Variants in TENT2 observed in about 807,000 individuals in gnomAD.
TENT2 encodes the protein terminal nucleotidyltransferase 2.
Under a neutral mutation model 72.2 loss-of-function variants are expected in TENT2, and 44 were observed. The ratio of observed to expected loss-of-function variants is 0.61; its 90% CI spans 0.48 to 0.78. The LOEUF is 0.78. TENT2 is among the 30% of genes least tolerant of loss of function. TENT2 has a pLI of 0.00. For missense variants in TENT2, 541 were observed against 569.6 expected, an observed-to-expected ratio of 0.95 and a Z score of 0.51; for synonymous variants, 212 against 192.5, an observed-to-expected ratio of 1.10 and a Z score of -0.84.
At chr5:79,625,470 A>G (rs1414317464) in intron 4 of TENT2, among the ~76,000 whole-genome samples, 1 of 152,140 alleles carries the variant, frequency 6.6e-6, no homozygotes, top group East Asian at 1.9e-4. Flanking sequence ...CTAAGAAACC[A>G]TTGTTAAAGG....
rs113073592 is a variant in TENT2, at chr5:79,687,295, T to C, written c.*2022T>C. Among the ~76,000 whole-genome samples, 616 of 152,320 alleles carry C rather than the reference T, an allele frequency of 4.0e-3. 5 individuals are homozygous for C. Among genetic ancestry groups the C allele is most frequent in the African/African-American group, 0.014 (580 of 41,556 alleles). On this transcript the variant is annotated 3_prime_UTR_variant, in exon 15 of 15. Transcript: ENST00000453514. The stretch of plus-strand genomic sequence containing the variant: ...GAGAATTTTCTGGACTTTTAAGTTA[T>C]TAATCTCAATTATTTGTGTGGTGAG...
intron 12 of TENT2, among the ~76,000 whole-genome samples, chr5:79,670,420 G>T (rs1029965485): frequency 6.6e-6 from 1 of 151,484 alleles, no homozygotes; most frequent in Non-Finnish European, 1.5e-5. Context: ...TGCCTCCCTG[G>T]TTCAAGCAAT....
At chr5:79,645,010 C>T (rs1457803398) in intron 7 of TENT2, 113 bp from the exon 8 acceptor site, 8 of 809,766 alleles carry the variant, frequency 9.9e-6, no homozygotes, top group South Asian at 4.5e-5. Flanking sequence ...TTTTCAAAGA[C>T]GTTTTCTTAA....
rs2151042029 is a variant in TENT2, at chr5:79,685,408, TAA to T, written c.*137_*138del. On this transcript the variant is annotated 3_prime_UTR_variant, in exon 15 of 15. Coordinates refer to ENST00000453514, the MANE Select transcript of TENT2 (RefSeq NM_001114394.3). ...CATGTTTTATTTTTAAAAAGACATA[TAA>T]AGATTGCATATTTTATTATGACATT... is the stretch of plus-strand genomic sequence containing the variant. 2 of 544,006 alleles carry T rather than the reference TAA, an allele frequency of 3.7e-6. No individual in the cohort carries two copies. The highest frequency in any genetic ancestry group is 2.0e-5 in the African/African-American group (1 of 50,496). 33.7% of individuals were successfully genotyped at this position (544,006 alleles called of 1,614,324 possible). A position where few individuals can be genotyped will look rare whatever the true frequency, so the allele number is the denominator to read the frequency against.
chr5:79,646,372 A>G (rs562247464), intron 8 of TENT2, among the ~76,000 whole-genome samples: 2 of 152,228 alleles, frequency 1.3e-5, no homozygotes, highest in Non-Finnish European at 2.9e-5. Flanking sequence ...AGTTTATGAA[A>G]ATGTGACCAG....
chr5:79,662,718 G>T (rs934341204), intron 11 of TENT2, among the ~76,000 whole-genome samples: 11 of 152,110 alleles, frequency 7.2e-5, no homozygotes, highest in Admixed American at 6.6e-4. Flanking sequence ...CATTTATAGA[G>T]CACTGGCGGA....
chr5:79,668,426 A>T (rs922998244), intron 11 of TENT2, among the ~76,000 whole-genome samples: 4 of 152,186 alleles, frequency 2.6e-5, no homozygotes, highest in Admixed American at 2.6e-4. Flanking sequence ...CTATTTCTAT[A>T]TTAAAGTTAC....
intron 12 of TENT2, among the ~76,000 whole-genome samples, chr5:79,678,273 A>T (rs1818848231): frequency 6.6e-6 from 1 of 152,194 alleles, no homozygotes; most frequent in Non-Finnish European, 1.5e-5. Flanking sequence ...GAAATTAATC[A>T]AATTTCTATA....
At chr5:79,672,674 G>A (rs1046396040) in intron 12 of TENT2, among the ~76,000 whole-genome samples, 2 of 152,174 alleles carry the variant, frequency 1.3e-5, no homozygotes, top group Non-Finnish European at 2.9e-5. Flanking sequence ...ACTCTATTGT[G>A]GATAAGTACC....
At chr5:79,683,612 C>T (rs1823930678) in intron 14 of TENT2, among the ~76,000 whole-genome samples, 1 of 152,064 alleles carries the variant, frequency 6.6e-6, no homozygotes, top group Non-Finnish European at 1.5e-5. Flanking sequence ...GAAAATTTGT[C>T]TTATAGAAAT....
At chr5:79,670,624 C>T (rs1042549711) in intron 12 of TENT2, among the ~76,000 whole-genome samples, 2 of 151,592 alleles carry the variant, frequency 1.3e-5, no homozygotes, top group Admixed American at 6.6e-5. Context: ...TGCTCGGCCA[C>T]GGAGCTTTCA....
At chr5:79,637,664 C>G (rs939539975) in intron 4 of TENT2, among the ~76,000 whole-genome samples, 1 of 152,078 alleles carries the variant, frequency 6.6e-6, no homozygotes, top group African/African-American at 2.4e-5. Flanking sequence ...TGGGCTTAAG[C>G]AATGCACCTG....
intron 5 of TENT2, 44 bp downstream of exon 5, chr5:79,641,009 T>C (rs1474085282): frequency 1.3e-6 from 2 of 1,498,578 alleles, no homozygotes; most frequent in Non-Finnish European, 1.8e-6. Context: ...TATGCATTCC[T>C]ATTTTAAATT....
chr5:79,616,259 C>T (rs553933862), intron 1 of TENT2, among the ~76,000 whole-genome samples: 6 of 130,650 alleles, frequency 4.6e-5, no homozygotes, highest in Admixed American at 9.1e-5. Context: ...AGTGCAATTG[C>T]GCGATCTTGG....
intron 6 of TENT2, among the ~76,000 whole-genome samples, chr5:79,641,449 T>C (rs1208334972): frequency 6.6e-6 from 1 of 151,888 alleles, no homozygotes; most frequent in Non-Finnish European, 1.5e-5. Flanking sequence ...TTTTTTTTTT[T>C]TCAAGAGCTC....
chr5:79,670,764 A>C (rs752955469), intron 12 of TENT2, among the ~76,000 whole-genome samples: 1 of 150,476 alleles, frequency 6.6e-6, no homozygotes, highest in Non-Finnish European at 1.5e-5. Flanking sequence ...TTTAGTGAGA[A>C]TTTATCTAGT....
In TENT2 at chr5:79,619,625, T is replaced by C. The variant is rs1241141554; in HGVS notation, c.-24T>C. 3.7e-6 allele frequency: 6 copies of C among 1,605,318 alleles called. No individual in the cohort carries two copies. The highest frequency in any genetic ancestry group is 5.1e-6 in the Non-Finnish European group (6 of 1,173,782). ...AAATTATCCTAGGTAGAAGAATACA[T>C]GTTCACTTCCAGTGAACAAGAGCAT... On this transcript the variant is annotated 5_prime_UTR_variant, in exon 2 of 15. It removes an upstream start codon present in the reference 5' UTR. Coordinates refer to ENST00000453514, the MANE Select transcript of TENT2 (RefSeq NM_001114394.3).
intron 8 of TENT2, among the ~76,000 whole-genome samples, chr5:79,646,601 G>A (rs1043039583): frequency 2.6e-5 from 4 of 152,134 alleles, no homozygotes; most frequent in South Asian, 4.1e-4. Flanking sequence ...AGTAAATTGT[G>A]TCAGATTTTC....
intron 11 of TENT2, among the ~76,000 whole-genome samples, chr5:79,668,461 G>T (rs1810282716): frequency 6.6e-6 from 1 of 152,064 alleles, no homozygotes; most frequent in African/African-American, 2.4e-5. Flanking sequence ...GGAGAAGTTT[G>T]AAGTGACAGA....
Sources: gnomAD v4.1 joint callset for allele counts (sites outside exome capture counted in the v4.1 genomes callset) on GRCh38, gnomAD v4.1.1 for gene constraint, MANE v1.5 for transcripts, NCBI Gene and HGNC (gene_info 2026-07-23, HGNC 2026-07-21) for gene names.